TYW5: variants seen among roughly 807,000 people sequenced by gnomAD.
TYW5 encodes the protein tRNA-yW synthesizing protein 5.
A neutral mutation model predicts 44.4 loss-of-function variants in TYW5; 36 were observed. That is an observed-to-expected ratio of 0.81 (90% confidence interval 0.62 to 1.07). The LOEUF (loss-of-function observed/expected upper bound fraction) is 1.07. TYW5 is among the 50% of genes least tolerant of loss of function. TYW5 has a pLI of 0.00. For synonymous variants in TYW5, 121 were observed against 128.1 expected (o/e 0.94, Z 0.37); for missense variants, 354 against 365.7 (o/e 0.97, Z 0.26).
chr2:199,931,138 A>G lies in TYW5; in HGVS notation c.*1929T>C, dbSNP rs2077374223. ...AATACTGCAACAGGAGCTACCTCAA[A>G]TCTCTCAACAAAGATGGAATATAAT... On this transcript the variant is annotated 3_prime_UTR_variant, in exon 8 of 8. Coordinates refer to ENST00000354611, the MANE Select transcript of TYW5 (RefSeq NM_001039693.3). 1 of 152,190 alleles carries G rather than the reference A, an allele frequency of 6.6e-6. No homozygotes were observed. The highest frequency in any genetic ancestry group is 2.4e-5 in the African/African-American group (1 of 41,460). 9.4% of individuals were successfully genotyped at this position (152,190 alleles called of 1,614,324 possible).
chr2:199,949,208 A>T (rs1403863060), intron 1 of TYW5, among the ~76,000 whole-genome samples: 2 of 152,022 alleles, frequency 1.3e-5, no homozygotes, highest in East Asian at 1.9e-4. Flanking sequence ...TTAAAAAAAA[A>T]ATAAGAAAAA....
chr2:199,933,361 T>A, intron 7 of TYW5, 38 bp from the exon 8 acceptor site: 1 of 1,544,454 alleles, frequency 6.5e-7, no homozygotes. Flanking sequence ...AAATAAAACC[T>A]ACAGTTAAAA....
intron 1 of TYW5, among the ~76,000 whole-genome samples, chr2:199,952,385 A>C (rs887121492): frequency 6.6e-6 from 1 of 152,214 alleles, no homozygotes; most frequent in Non-Finnish European, 1.5e-5. Flanking sequence ...AATTTTTGCC[A>C]ATATGATATA....
Position 199,938,983 on chromosome 2 carries a change from T to A in TYW5, c.436A>T (p.Ser146Cys), listed in dbSNP as rs748220087. 6.2e-7 allele frequency: 1 copy of A among 1,613,600 alleles called. No homozygotes were observed. The highest frequency in any genetic ancestry group is 8.5e-7 in the Non-Finnish European group (1 of 1,179,798). Reference protein sequence around the residue: ...EFFKEEQFFSSVFRISSPGLQ... With the variant: ...EFFKEEQFFSCVFRISSPGLQ... The stretch of plus-strand genomic sequence containing the variant: ...CCTGGTGAACTAATTCGAAAAACAC[T>A]GGAAAAGAACTGTTCCTCTTTGAAG... The change falls in exon 5 of 8, where the codon AGT becomes TGT. Residue 146 changes from serine (S) to cysteine (C), a missense_variant. Transcript: ENST00000354611.
At chr2:199,949,585 G>A (rs552620709) in intron 1 of TYW5, among the ~76,000 whole-genome samples, 1 of 152,196 alleles carries the variant, frequency 6.6e-6, no homozygotes, top group Non-Finnish European at 1.5e-5. Flanking sequence ...TTGACATTTT[G>A]GAAGAGTATA....
At chr2:199,949,678 G>A (rs1167042730) in intron 1 of TYW5, among the ~76,000 whole-genome samples, 4 of 152,166 alleles carry the variant, frequency 2.6e-5, no homozygotes, top group African/African-American at 4.8e-5. Flanking sequence ...ACATTTTGGA[G>A]AAGGAATGTA....
chr2:199,948,337 T>C lies in TYW5; in HGVS notation c.214A>G (p.Ser72Gly). Residue 72 changes from serine to glycine, a missense_variant, in exon 2 of 8, where the codon AGT becomes GGT. Ser to Gly is a moderately conservative substitution (Grantham distance 56). Transcript: ENST00000354611. ...VAAVAQMDFI[S>G]KNFVYRTLPF... ...AAATACCTATATACAAAGTTCTTAC[T>C]AATGAAGTCCATCTGTGCAACTGCA... 10 of 1,614,186 alleles carry C rather than the reference T, an allele frequency of 6.2e-6. No homozygotes were observed. Among genetic ancestry groups the C allele is most frequent in the Non-Finnish European group, 8.5e-6 (10 of 1,180,016 alleles).
In TYW5 at chr2:199,930,679, T is replaced by A. The variant is rs1426795058; in HGVS notation, c.*2388A>T. 1.3e-5 allele frequency: 2 copies of A among 152,182 alleles called. No homozygotes were observed. The highest frequency in any genetic ancestry group is 2.4e-5 in the African/African-American group (1 of 41,418). The allele number at this position is 152,182 out of a possible 1,614,324, so 9.4% of individuals were successfully genotyped here. On this transcript the variant is annotated 3_prime_UTR_variant, in exon 8 of 8. Transcript: ENST00000354611. Reference sequence around the variant, plus strand: ...AAATTTTGTTGGCAGAGGAAAAAAATTCCTTTTTGCATCAGGTCAAGCCCC... The same window carrying A: ...AAATTTTGTTGGCAGAGGAAAAAAAATCCTTTTTGCATCAGGTCAAGCCCC...
At chr2:199,947,977 A>G in intron 2 of TYW5, 1 of 203,726 alleles carries the variant, frequency 4.9e-6, no homozygotes, top group Non-Finnish European at 9.9e-6. Context: ...CTGTAATCCC[A>G]GCTACTCGGG....
At position 199,933,313 on chromosome 2, in the gene TYW5, G is replaced by A; in HGVS notation, c.702C>T (p.Phe234=). 6.2e-7 allele frequency: 1 copy of A among 1,604,970 alleles called. No individual in the cohort carries two copies. The change falls in exon 8 of 8, where the codon TTC becomes TTT. Residue 234 remains phenylalanine, a synonymous_variant. Coordinates refer to ENST00000354611, the MANE Select transcript of TYW5 (RefSeq NM_001039693.3). Reference sequence around the variant, plus strand: ...CAAACTCTTCAGAAATTACATTATGGAACCATAAAGCTGGAGAAAGTTTAA... The same window carrying A: ...CAAACTCTTCAGAAATTACATTATGAAACCATAAAGCTGGAGAAAGTTTAA... The part of the protein sequence containing the change: ...GDVLFIPALW[F]HNVISEEFGV...
At chr2:199,954,209 C>T (rs2077573610) in intron 1 of TYW5, among the ~76,000 whole-genome samples, 1 of 151,832 alleles carries the variant, frequency 6.6e-6, no homozygotes. Context: ...CAAGCAGATC[C>T]TCCGACCTCA....
Position 199,929,792 on chromosome 2 carries a change from AAAT to A in TYW5, c.*3272_*3274del, listed in dbSNP as rs2077360013. On this transcript the variant is annotated 3_prime_UTR_variant, in exon 8 of 8. Transcript: ENST00000354611. ...TTCTAATGTATTCAAATACCAAGAC[AAAT>A]AATGTTATGAAATGCTAATAATTAC... 6.6e-6 allele frequency among the ~76,000 whole-genome samples: 1 copy of A among 151,896 alleles called. No individual in the cohort carries two copies. Among genetic ancestry groups the A allele is most frequent in the African/African-American group, 2.4e-5 (1 of 41,362 alleles).
intron 1 of TYW5, among the ~76,000 whole-genome samples, chr2:199,953,248 T>C (rs920138822): frequency 2.6e-5 from 4 of 151,998 alleles, no homozygotes; most frequent in Admixed American, 6.6e-5. Flanking sequence ...GCTTGAACCC[T>C]GAAGGCAGAG....
At position 199,932,533 on chromosome 2, in the gene TYW5, T is replaced by C. The variant is rs1045728625; in HGVS notation, c.*534A>G. ...TTTAGAGCAATGAGACCTAAGGATA[T>C]GGAAAGTGAATTCTGGGAAAGCTTT... On this transcript the variant is annotated 3_prime_UTR_variant, in exon 8 of 8. Transcript: ENST00000354611. 3 of 157,112 alleles carry C rather than the reference T, an allele frequency of 1.9e-5. No homozygotes were observed. The highest frequency in any genetic ancestry group is 7.2e-5 in the African/African-American group (3 of 41,448). 9.7% of individuals were successfully genotyped at this position (157,112 alleles called of 1,614,324 possible).
chr2:199,948,606 G>A, intron 1 of TYW5, 134 bp from the exon 2 acceptor site: 2 of 777,120 alleles, frequency 2.6e-6, no homozygotes, highest in Non-Finnish European at 4.1e-6. Flanking sequence ...CAAAGCTTCT[G>A]ACAGTTCATG....
chr2:199,941,979 T>C (rs1228299512), intron 3 of TYW5: 1 of 152,282 alleles, frequency 6.6e-6, no homozygotes, highest in Non-Finnish European at 1.5e-5. Context: ...TGTATCTACA[T>C]GTCTTCCCCT....
At chr2:199,938,464 A>T (rs2077439088) in intron 5 of TYW5, among the ~76,000 whole-genome samples, 1 of 152,160 alleles carries the variant, frequency 6.6e-6, no homozygotes, top group Admixed American at 6.5e-5. Context: ...GATATCCCCA[A>T]ATTCTTACAA....
chr2:199,939,595 T>A (rs1271113569), intron 4 of TYW5, among the ~76,000 whole-genome samples: 2 of 152,186 alleles, frequency 1.3e-5, no homozygotes, highest in African/African-American at 4.8e-5. Flanking sequence ...AGCTATCACC[T>A]ACATAAAACC....
At chr2:199,935,777 C>G (rs894744420) in intron 7 of TYW5, among the ~76,000 whole-genome samples, 154 bp downstream of exon 7, 1 of 145,406 alleles carries the variant, frequency 6.9e-6, no homozygotes, top group Non-Finnish European at 1.5e-5. Context: ...TACACACACA[C>G]GCACACACAG....
Sources: gnomAD v4.1 joint callset for allele counts (sites outside exome capture counted in the v4.1 genomes callset) on GRCh38, gnomAD v4.1.1 for gene constraint, MANE v1.5 for transcripts, NCBI Gene and HGNC (gene_info 2026-07-23, HGNC 2026-07-21) for gene names.